Variants in CDK15 observed in about 807,000 individuals in gnomAD.
CDK15 encodes the protein cyclin-dependent kinase 15.
CDK15 carries 62 observed loss-of-function variants against 60.3 expected under a neutral mutation model. That is an observed-to-expected ratio of 1.03 (90% CI 0.84 to 1.27). The LOEUF (loss-of-function observed/expected upper bound fraction) is 1.27, where lower values mean the gene tolerates loss of function less well. Ranked by LOEUF, CDK15 falls within the 50% of genes most tolerant of loss-of-function variation. The pLI is 0.00. For missense variants in CDK15, 541 were observed against 527.8 expected, an observed-to-expected ratio of 1.03 and a Z score of -0.25; for synonymous variants, 194 against 195.7, an observed-to-expected ratio of 0.99 and a Z score of 0.07.
intron 10 of CDK15, among the ~76,000 whole-genome samples, chr2:201,858,314 T>C (rs1029033467): frequency 6.6e-6 from 1 of 152,184 alleles, no homozygotes; most frequent in Non-Finnish European, 1.5e-5. Context: ...GAGGGTTGTA[T>C]AATTTTGGAA....
intron 6 of CDK15, among the ~76,000 whole-genome samples, chr2:201,827,723 C>T (rs922325498): frequency 6.6e-6 from 1 of 152,164 alleles, no homozygotes; most frequent in Non-Finnish European, 1.5e-5. Flanking sequence ...CTTCCCAGCT[C>T]GGCCTCCCAA....
chr2:201,845,479 C>T (rs193598), intron 8 of CDK15, among the ~76,000 whole-genome samples: 39,400 of 151,338 alleles, frequency 0.26, 5,822 homozygotes, highest in African/African-American at 0.39. Flanking sequence ...AGGCCAGGCA[C>T]AGTGGCTCAC....
chr2:201,820,079 T>C (rs1466319379), intron 4 of CDK15, among the ~76,000 whole-genome samples: 1 of 152,160 alleles, frequency 6.6e-6, no homozygotes, highest in Non-Finnish European at 1.5e-5. Context: ...TATAGTTAGG[T>C]GAGACTAAAA....
chr2:201,877,935 T>C (rs1365805641), intron 11 of CDK15, among the ~76,000 whole-genome samples: 1 of 152,242 alleles, frequency 6.6e-6, no homozygotes, highest in African/African-American at 2.4e-5. Context: ...ATTAGAATTC[T>C]GGGCCAAGAC....
intron 10 of CDK15, among the ~76,000 whole-genome samples, chr2:201,859,547 A>G (rs1255319488): frequency 6.6e-6 from 1 of 152,180 alleles, no homozygotes; most frequent in Non-Finnish European, 1.5e-5. Context: ...TGAGATTTCC[A>G]TTCCTTTCCA....
chr2:201,836,964 C>T (rs973805240), intron 8 of CDK15, among the ~76,000 whole-genome samples: 2 of 151,896 alleles, frequency 1.3e-5, no homozygotes, highest in Non-Finnish European at 2.9e-5. Context: ...AAACTCTCTC[C>T]ATCTGAGTTA....
At chr2:201,860,593 C>A in intron 10 of CDK15, 1 of 794,256 alleles carries the variant, frequency 1.3e-6, no homozygotes, top group Non-Finnish European at 1.7e-6. Context: ...GGAAGTTTTT[C>A]CACTAGAAGA....
At chr2:201,886,158 C>A (rs1298943525) in intron 12 of CDK15, among the ~76,000 whole-genome samples, 1 of 152,186 alleles carries the variant, frequency 6.6e-6, no homozygotes, top group Non-Finnish European at 1.5e-5. Flanking sequence ...AGATTCCACA[C>A]ATCTCCAGGT....
chr2:201,836,004 A>ATATTTT (rs1394277642), intron 8 of CDK15, among the ~76,000 whole-genome samples: 2 of 84,648 alleles, frequency 2.4e-5, no homozygotes, highest in East Asian at 3.0e-4. Flanking sequence ...ATATATATTT[A>ATATTTT]TATTTTTATA....
intron 11 of CDK15, among the ~76,000 whole-genome samples, chr2:201,878,198 A>G (rs2105828593): frequency 6.6e-6 from 1 of 152,104 alleles, no homozygotes; most frequent in East Asian, 1.9e-4. Context: ...TGGGTTGTGG[A>G]GTTGGGTGTA....
At chr2:201,823,543 C>G in intron 5 of CDK15, 122 bp from the exon 6 acceptor site, 2 of 881,318 alleles carry the variant, frequency 2.3e-6, no homozygotes, top group Non-Finnish European at 3.7e-6. Flanking sequence ...TCCTTTTGCA[C>G]CTTATTCTTA....
At chr2:201,849,825 TTC>T (rs1346081331) in intron 9 of CDK15, among the ~76,000 whole-genome samples, 1 of 152,086 alleles carries the variant, frequency 6.6e-6, no homozygotes, top group African/African-American at 2.4e-5. Flanking sequence ...CTGATTTTTT[TTC>T]TTTTTCCTTT....
At chr2:201,861,705 C>T (rs1458469951) in intron 10 of CDK15, among the ~76,000 whole-genome samples, 1 of 151,782 alleles carries the variant, frequency 6.6e-6, no homozygotes, top group Non-Finnish European at 1.5e-5. Flanking sequence ...GGAATACAGG[C>T]GCACGCCACT....
chr2:201,860,685 C>T, intron 10 of CDK15: 1 of 1,350,788 alleles, frequency 7.4e-7, no homozygotes, highest in East Asian at 4.6e-5. Context: ...AGCGACAGGC[C>T]AAGGGATGCC....
chr2:201,871,922 G>A (rs1698863649), intron 10 of CDK15, among the ~76,000 whole-genome samples: 2 of 151,936 alleles, frequency 1.3e-5, no homozygotes, highest in African/African-American at 4.8e-5. Flanking sequence ...TCCACATTTT[G>A]CCTTTTTAGG....
rs142542246 is a variant in CDK15, at chr2:201,882,216, TGAGA to T, written c.1198+2056_1198+2059del. Among the ~76,000 whole-genome samples the T allele has an allele frequency of 0.029, 4,427 of 151,336 alleles. 129 individuals are homozygous for T. The highest frequency in any genetic ancestry group is 0.12 in the East Asian group (625 of 5,106). On this transcript the variant is annotated intron_variant, in intron 12 of 13. Coordinates refer to ENST00000652192, the MANE Select transcript of CDK15 (RefSeq NM_001366386.2). This position sits in a 1 kb window ranked among gnomAD's most constrained non-coding sequence, Gnocchi z 4.0. Reference sequence around the variant, plus strand: ...GTGTGCGTATGTGTGTGTGTGTGTGTGAGAGAGAGACAGAGAGAACAATCTGTAT... The same window carrying T: ...GTGTGCGTATGTGTGTGTGTGTGTGTGAGAGACAGAGAGAACAATCTGTAT...
At chr2:201,810,673 C>T (rs1018882045) in intron 3 of CDK15, among the ~76,000 whole-genome samples, 8 of 152,032 alleles carry the variant, frequency 5.3e-5, no homozygotes, top group Non-Finnish European at 1.2e-4. Flanking sequence ...CATAACTCTC[C>T]ACTCCTTAAG....
At chr2:201,820,249 G>C (rs960131675) in intron 4 of CDK15, among the ~76,000 whole-genome samples, 1 of 152,094 alleles carries the variant, frequency 6.6e-6, no homozygotes, top group African/African-American at 2.4e-5. Flanking sequence ...TACACCTAAA[G>C]TATAAGCATT....
In CDK15 at chr2:201,894,870, G is replaced by A. The variant is rs1441748542; in HGVS notation, c.*1603G>A. ...CCTTGCTAGAAGCCAATGAACAGCA[G>A]GCCAAAACAACACTTACTTGCATCA... On this transcript the variant is annotated 3_prime_UTR_variant, in exon 14 of 14. Coordinates refer to ENST00000652192, the MANE Select transcript of CDK15 (RefSeq NM_001366386.2). The A allele has an allele frequency of 6.6e-6, 1 of 152,108 alleles. No homozygotes were observed. The highest frequency in any genetic ancestry group is 2.4e-5 in the African/African-American group (1 of 41,404). The allele number at this position is 152,108 out of a possible 1,614,324, so 9.4% of individuals were successfully genotyped here.
Sources: gnomAD v4.1 joint callset for allele counts (sites outside exome capture counted in the v4.1 genomes callset) on GRCh38, gnomAD v4.1.1 for gene constraint, Gnocchi (gnomAD v3.1) non-coding constraint, MANE v1.5 for transcripts, NCBI Gene and HGNC (gene_info 2026-07-23, HGNC 2026-07-21) for gene names.